ELAC2: variants seen among roughly 807,000 people sequenced by gnomAD.
The protein encoded by ELAC2 is zinc phosphodiesterase ELAC protein 2.
ELAC2 carries 92 observed loss-of-function variants against 105.2 expected under a neutral mutation model. The ratio of observed to expected loss-of-function variants is 0.87; its 90% CI spans 0.74 to 1.04. The LOEUF is 1.04. Among genes scored for constraint, ELAC2 ranks in the 50% least tolerant of loss-of-function variants. The pLI is 0.00. For synonymous variants in ELAC2, 468 were observed against 409.1 expected (o/e 1.14, Z -1.74); for missense variants, 1,099 against 1,071.7 (o/e 1.03, Z -0.36).
Position 12,995,043 on chromosome 17 carries a change from G to A in ELAC2, c.1828C>T (p.Leu610Phe), listed in dbSNP as rs778310432. The change falls in exon 20 of 24, where the codon CTT becomes TTT. Residue 610 changes from leucine (L) to phenylalanine (F), a missense_variant. Transcript: ENST00000338034. ...CTGGAGATCTCAGCCCCTTCCTGAA[G>A]GCATTTGGCAGGAATCATACTGTAA... Reference protein sequence around the residue: ...HHISMIPAKCLQEGAEISSPA... With the variant: ...HHISMIPAKCFQEGAEISSPA... 1 of 1,614,154 alleles carries A rather than the reference G, an allele frequency of 6.2e-7. No homozygotes were observed. The highest frequency in any genetic ancestry group is 8.5e-7 in the Non-Finnish European group (1 of 1,180,036).
In ELAC2 at chr17:12,993,850, G is replaced by C. The variant is rs893950337; in HGVS notation, c.2109-19C>G. 5 of 1,613,988 alleles carry C rather than the reference G, an allele frequency of 3.1e-6. No individual in the cohort carries two copies. The African/African-American group carries it at 6.7e-5, about 22-fold the overall frequency. On this transcript the variant is annotated intron_variant, in intron 22 of 23. Coordinates refer to ENST00000338034, the MANE Select transcript of ELAC2 (RefSeq NM_018127.7). ...CGTTGTGCTGCAGGTGAAGGACAGA[G>C]CAGACTGAAGCTGAACTCAACTGCA...
At position 12,993,837 on chromosome 17, in the gene ELAC2, G is replaced by A. The variant is rs1372118798; in HGVS notation, c.2109-6C>T. On this transcript the variant is annotated splice_polypyrimidine_tract_variant and splice_region_variant and intron_variant, in intron 22 of 23. Transcript: ENST00000338034. ...TGATGGCTTGGGACGTTGTGCTGCA[G>A]GTGAAGGACAGAGCAGACTGAAGCT... 2.5e-6 allele frequency: 4 copies of A among 1,614,086 alleles called. No homozygotes were observed. Among genetic ancestry groups the A allele is most frequent in the Non-Finnish European group, 3.4e-6 (4 of 1,180,050 alleles).
In ELAC2 at chr17:12,992,774, G is replaced by C. The variant is rs1304571064; in HGVS notation, c.*44C>G. On this transcript the variant is annotated 3_prime_UTR_variant, in exon 24 of 24. Transcript: ENST00000338034. ...AGGGCAGATACGGGTGCGTGCGTGG[G>C]GCAGAAGACACACAGCCTTCTGAGT... 6 of 1,602,926 alleles carry C rather than the reference G, an allele frequency of 3.7e-6. No homozygotes were observed. In the African/African-American group the frequency reaches 5.4e-5, roughly 14 times the overall value.
In ELAC2 at chr17:13,009,917, AG is replaced by A. The variant is rs1357299916; in HGVS notation, c.738+695del. ...GGCAGGAGAATCACTTGAACCTGGG[AG>A]GTGGAGGCTGCAGTGAGCCGAGATT... On this transcript the variant is annotated intron_variant, in intron 8 of 23. Coordinates refer to ENST00000338034, the MANE Select transcript of ELAC2 (RefSeq NM_018127.7). Among the ~76,000 whole-genome samples, 3 of 142,134 alleles carry A rather than the reference AG, an allele frequency of 2.1e-5. No homozygotes were observed. The East Asian group carries it at 6.5e-4, about 31-fold the overall frequency. The allele number at this position is 142,134 out of a possible 152,430, so 93.2% of individuals were successfully genotyped here.
chr17:13,017,088 T>C lies in ELAC2; in HGVS notation c.279A>G (p.Arg93=), dbSNP rs2041777586. Reference sequence around the variant, plus strand: ...TGACTCACTTGTGCTCCTGCATGAGTCTCTGAACGCCTTCTCCACAGTTGA... The same window carrying C: ...TGACTCACTTGTGCTCCTGCATGAGCCTCTGAACGCCTTCTCCACAGTTGA... ...YLFNCGEGVQ[R]LMQEHKLKVA... is the part of the protein sequence containing the mutation. The change falls in exon 2 of 24, where the codon AGA becomes AGG. Residue 93 remains arginine (R), a synonymous_variant. Coordinates refer to ENST00000338034, the MANE Select transcript of ELAC2 (RefSeq NM_018127.7). The C allele has an allele frequency of 6.2e-7, 1 of 1,613,792 alleles. No individual in the cohort carries two copies. The highest frequency in any genetic ancestry group is 1.1e-5 in the South Asian group (1 of 91,078).
rs979876331 is a variant in ELAC2, at chr17:13,005,842, A to G, written c.798-17T>C. ...GCTGTCCCACTGAAATGAAGAGGCA[A>G]GGCCTCTGTGAAATGTGATTTCCTT... On this transcript the variant is annotated splice_polypyrimidine_tract_variant and intron_variant, in intron 9 of 23. Transcript: ENST00000338034. 1 of 1,614,000 alleles carries G rather than the reference A, an allele frequency of 6.2e-7. No individual in the cohort carries two copies. Among genetic ancestry groups the G allele is most frequent in the Non-Finnish European group, 8.5e-7 (1 of 1,179,978 alleles).
At position 12,992,167 on chromosome 17, in the gene ELAC2, C is replaced by A. The variant is rs1333875862; in HGVS notation, c.*651G>T. ...GATTGATTGATAGAGAAAGCACGCCCTGCTGTGAGCTGGCACAGCTCGAGT... is the reference window on the plus strand; with the variant it reads ...GATTGATTGATAGAGAAAGCACGCCATGCTGTGAGCTGGCACAGCTCGAGT... On this transcript the variant is annotated 3_prime_UTR_variant, in exon 24 of 24. Transcript: ENST00000338034. Among the ~76,000 whole-genome samples the A allele has an allele frequency of 6.6e-6, 1 of 152,178 alleles. No individual in the cohort carries two copies. Among genetic ancestry groups the A allele is most frequent in the Non-Finnish European group, 1.5e-5 (1 of 68,038 alleles).
intron 22 of ELAC2, among the ~76,000 whole-genome samples, chr17:12,994,112 A>G (rs147600476): frequency 3.3e-5 from 5 of 152,308 alleles, no homozygotes; most frequent in East Asian, 1.9e-4. Flanking sequence ...CTTTCGTTGA[A>G]ATTAGCAGCC....
rs907796092 is a variant in ELAC2, at chr17:13,018,003, C to A, written c.-56G>T. ...GCCGGTCACCTACGCCCGCGTTTCCCGTGCACCACCTAGCCGCTCCGCATG... is the reference window on the plus strand; with the variant it reads ...GCCGGTCACCTACGCCCGCGTTTCCAGTGCACCACCTAGCCGCTCCGCATG... On this transcript the variant is annotated 5_prime_UTR_variant, in exon 1 of 24. Transcript: ENST00000338034. The A allele has an allele frequency of 1.0e-4, 154 of 1,533,378 alleles. No individual in the cohort carries two copies. The highest frequency in any genetic ancestry group is 1.3e-4 in the Non-Finnish European group (147 of 1,146,494). The allele number at this position is 1,533,378 out of a possible 1,614,324, so 95.0% of individuals were successfully genotyped here.
At chr17:12,994,929 T>A (rs878891520) in intron 20 of ELAC2, 34 bp downstream of exon 20, 1 of 1,614,072 alleles carries the variant, frequency 6.2e-7, no homozygotes, top group Non-Finnish European at 8.5e-7. Flanking sequence ...GCTCCCCACC[T>A]CGCCCCCATG....
intron 16 of ELAC2, among the ~76,000 whole-genome samples, 171 bp downstream of exon 16, chr17:12,998,241 G>A (rs1447073984): frequency 6.6e-6 from 1 of 152,172 alleles, no homozygotes; most frequent in Non-Finnish European, 1.5e-5. Context: ...GTTTGCTACT[G>A]AGGCTATAAA....
chr17:13,003,078 C>A lies in ELAC2; in HGVS notation c.1079+401G>T, dbSNP rs528965298. Reference sequence around the variant, plus strand: ...CCTCCCAGGGCTGCTGGCGACGACCCTAGAGGAAATGAAGTGAAATGAAGG... The same window carrying A: ...CCTCCCAGGGCTGCTGGCGACGACCATAGAGGAAATGAAGTGAAATGAAGG... On this transcript the variant is annotated intron_variant, in intron 12 of 23. Transcript: ENST00000338034. Among the ~76,000 whole-genome samples, 174 of 152,316 alleles carry A rather than the reference C, an allele frequency of 1.1e-3. 1 individual carries two copies. Among genetic ancestry groups the A allele is most frequent in the Non-Finnish European group, 1.3e-3 (91 of 68,032 alleles).
intron 8 of ELAC2, chr17:13,006,305 G>A (rs1211613802): frequency 5.6e-6 from 2 of 355,256 alleles, no homozygotes; most frequent in Non-Finnish European, 1.1e-5. Flanking sequence ...AGAGGCGGAT[G>A]TTGCAGTGAG....
rs1567754285 is a variant in ELAC2, at chr17:13,002,276, C to T, written c.1302G>A (p.Gln434=). The change falls in exon 14 of 24, where the codon CAG becomes CAA. Residue 434 remains glutamine (Q), a splice_region_variant and synonymous_variant. Coordinates refer to ENST00000338034, the MANE Select transcript of ELAC2 (RefSeq NM_018127.7). ...KYQLRPRREW[Q]RDAIITCNPE... ...CATTAGTTCAAGATGGCACAGACCT[C>T]TGCCACTCCCTCCTGGGACGGAGCT... The T allele has an allele frequency of 6.2e-7, 1 of 1,614,150 alleles. No homozygotes were observed. Among genetic ancestry groups the T allele is most frequent in the Non-Finnish European group, 8.5e-7 (1 of 1,180,004 alleles).
Position 12,995,968 on chromosome 17 carries a change from C to T in ELAC2, c.1670G>A (p.Ser557Asn), listed in dbSNP as rs904810480. The change falls in exon 18 of 24, where the codon AGT (serine) becomes AAT (asparagine). Residue 557 changes from serine (S) to asparagine (N), a missense_variant. Transcript: ENST00000338034. ...LHADHHTGLPSILLQRERALA... is the reference protein window; with the variant it reads ...LHADHHTGLPNILLQRERALA... ...GGCGCGTTCTCTCTGCAGCAAGATA[C>T]TTGGCAAGCCCTGGCAAGGAAACAG... 1 of 1,596,132 alleles carries T rather than the reference C, an allele frequency of 6.3e-7. No homozygotes were observed. Among genetic ancestry groups the T allele is most frequent in the Non-Finnish European group, 8.5e-7 (1 of 1,169,954 alleles).
chr17:13,014,738 GA>G (rs1333525538), intron 4 of ELAC2, among the ~76,000 whole-genome samples: 2 of 152,166 alleles, frequency 1.3e-5, no homozygotes, highest in Admixed American at 1.3e-4. Flanking sequence ...AAGGAAACAC[GA>G]TAACAGAAAC....
At chr17:12,998,874 T>C (rs1174061709) in intron 15 of ELAC2, among the ~76,000 whole-genome samples, 2 of 152,216 alleles carry the variant, frequency 1.3e-5, no homozygotes, top group Admixed American at 1.3e-4. Flanking sequence ...TGCCACGTTA[T>C]GATGCAGCAT....
chr17:13,004,974 G>C lies in ELAC2; in HGVS notation c.983+15C>G, dbSNP rs200937200. 1.9e-6 allele frequency: 3 copies of C among 1,594,886 alleles called. No individual in the cohort carries two copies. The highest frequency in any genetic ancestry group is 2.2e-5 in the East Asian group (1 of 44,768). ...TTCAGCTCTCACTTCTCCCACCCTAGAGACCCCTCATTACCTCTGAAAGGT... is the reference window on the plus strand; with the variant it reads ...TTCAGCTCTCACTTCTCCCACCCTACAGACCCCTCATTACCTCTGAAAGGT... On this transcript the variant is annotated intron_variant, in intron 11 of 23. Transcript: ENST00000338034.
In ELAC2 at chr17:12,992,250, C is replaced by T. The variant is rs577662711; in HGVS notation, c.*568G>A. 89 of 239,724 alleles carry T rather than the reference C, an allele frequency of 3.7e-4. No individual in the cohort carries two copies. The highest frequency in any genetic ancestry group is 1.8e-3 in the African/African-American group (84 of 45,476). The allele number at this position is 239,724 out of a possible 1,614,324, so 14.8% of individuals were successfully genotyped here. ...TCTGAGGACAGGTTCCAGAGGTGCT[C>T]ACTACGACGGGAGCTGACTTCTTCC... is the stretch of plus-strand genomic sequence containing the variant. On this transcript the variant is annotated 3_prime_UTR_variant, in exon 24 of 24. Coordinates refer to ENST00000338034, the MANE Select transcript of ELAC2 (RefSeq NM_018127.7).
Sources: gnomAD v4.1 joint callset for allele counts (sites outside exome capture counted in the v4.1 genomes callset) on GRCh38, gnomAD v4.1.1 for gene constraint, MANE v1.5 for transcripts, NCBI Gene and HGNC (gene_info 2026-07-23, HGNC 2026-07-21) for gene names.